Variants in RASAL2 observed in about 807,000 individuals in gnomAD.
RASAL2 encodes RAS protein activator like 2.
Under a neutral mutation model 128.9 loss-of-function variants are expected in RASAL2, and 58 were observed. The ratio of observed to expected loss-of-function variants is 0.45; its 90% confidence interval spans 0.36 to 0.56. The LOEUF is 0.56. Among genes scored for constraint, RASAL2 ranks in the 20% least tolerant of loss-of-function variants. RASAL2 has a pLI of 0.00. For synonymous variants in RASAL2, 561 were observed against 580.8 expected (o/e 0.97, Z 0.49); for missense variants, 1,360 against 1,601.6 (o/e 0.85, Z 2.57).
At chr1:178,369,706 G>T (rs978264973) in intron 3 of RASAL2, among the ~76,000 whole-genome samples, 7 of 152,012 alleles carry the variant, frequency 4.6e-5, no homozygotes, top group African/African-American at 1.7e-4. Flanking sequence ...CTTAAATCAG[G>T]ATATCTTTAG....
chr1:178,359,174 G>A (rs994798923), intron 3 of RASAL2, among the ~76,000 whole-genome samples: 6 of 151,964 alleles, frequency 3.9e-5, no homozygotes, highest in South Asian at 2.1e-4. Context: ...ATGTCAACAC[G>A]TTTTTTGTTT....
chr1:178,197,843 T>C (rs902650616), intron 1 of RASAL2, among the ~76,000 whole-genome samples: 4 of 152,042 alleles, frequency 2.6e-5, no homozygotes, highest in African/African-American at 9.7e-5. Flanking sequence ...ATGCTATCCT[T>C]CCCCCATTCC....
chr1:178,299,256 T>G (rs893612201), intron 2 of RASAL2, among the ~76,000 whole-genome samples: 4 of 152,232 alleles, frequency 2.6e-5, no homozygotes, highest in Non-Finnish European at 5.9e-5. Context: ...TCTTACTACC[T>G]TTAATGAAAT....
intron 8 of RASAL2, among the ~76,000 whole-genome samples, chr1:178,444,668 T>C (rs543397383): frequency 5.2e-4 from 79 of 152,244 alleles, no homozygotes; most frequent in African/African-American, 1.9e-3. Context: ...CCCCTTATGC[T>C]ATCCTTCTGG....
intron 1 of RASAL2, among the ~76,000 whole-genome samples, chr1:178,148,903 T>C (rs1660818363): frequency 6.6e-6 from 1 of 152,236 alleles, no homozygotes; most frequent in Non-Finnish European, 1.5e-5. Flanking sequence ...TGTTTTGTTT[T>C]ACTTTAATTT....
At position 178,464,345 on chromosome 1, in the gene RASAL2, A is replaced by G. The variant is rs1647420832; in HGVS notation, c.3320A>G (p.Asn1107Ser). Residue 1107 changes from asparagine to serine, a missense_variant, in exon 15 of 18, where the codon AAT becomes AGT. Transcript: ENST00000367649. ...VERTAAWVLN[N>S]GQYEEDVEET... is the part of the protein sequence containing the mutation. ...AGGACAGCAGCCTGGGTTCTGAACA[A>G]TGGGCAGTATGAAGAGGATGTGGAA... The G allele has an allele frequency of 5.0e-6, 8 of 1,613,884 alleles. No individual in the cohort carries two copies. The highest frequency in any genetic ancestry group is 6.8e-6 in the Non-Finnish European group (8 of 1,179,822).
chr1:178,376,997 A>C (rs1392708253), intron 3 of RASAL2, among the ~76,000 whole-genome samples: 1 of 152,114 alleles, frequency 6.6e-6, no homozygotes, highest in African/African-American at 2.4e-5. Context: ...GCGTTTTCCA[A>C]ATTCTAGAAT....
At chr1:178,371,341 C>CAA (rs1331597654) in intron 3 of RASAL2, among the ~76,000 whole-genome samples, 1 of 137,738 alleles carries the variant, frequency 7.3e-6, no homozygotes, top group Non-Finnish European at 1.5e-5. Context: ...CACACACACA[C>CAA]ACACACACAC....
At chr1:178,155,732 C>T (rs1661064444) in intron 1 of RASAL2, among the ~76,000 whole-genome samples, 1 of 151,384 alleles carries the variant, frequency 6.6e-6, no homozygotes, top group South Asian at 2.1e-4. Context: ...CCATGAATGA[C>T]TTTACCACAG....
chr1:178,193,258 T>A (rs1229771042), intron 1 of RASAL2, among the ~76,000 whole-genome samples: 1 of 152,184 alleles, frequency 6.6e-6, no homozygotes, highest in Non-Finnish European at 1.5e-5. Flanking sequence ...AGCAGCATAA[T>A]GCTCTTTAAA....
At chr1:178,265,084 T>C (rs906658814) in intron 1 of RASAL2, among the ~76,000 whole-genome samples, 7 of 152,236 alleles carry the variant, frequency 4.6e-5, no homozygotes, top group Non-Finnish European at 1.0e-4. Flanking sequence ...GTATTTCTTA[T>C]TATATCAGAA....
chr1:178,284,883 C>T (rs1358889570), intron 2 of RASAL2, among the ~76,000 whole-genome samples: 3 of 152,004 alleles, frequency 2.0e-5, no homozygotes, highest in African/African-American at 7.2e-5. Context: ...CAGTAAGTCA[C>T]CTTCCAGAAA....
intron 3 of RASAL2, among the ~76,000 whole-genome samples, chr1:178,346,916 A>C (rs965636827): frequency 6.6e-6 from 1 of 152,194 alleles, no homozygotes; most frequent in Non-Finnish European, 1.5e-5. Flanking sequence ...AAAAGGTAGA[A>C]GTCTAGTGGA....
At chr1:178,244,902 G>T (rs1243455838) in intron 1 of RASAL2, among the ~76,000 whole-genome samples, 2 of 152,178 alleles carry the variant, frequency 1.3e-5, no homozygotes, top group African/African-American at 4.8e-5. Flanking sequence ...CAAAGGACAT[G>T]AACTCGTTCT....
At chr1:178,470,062 C>A (rs888331561) in intron 17 of RASAL2, among the ~76,000 whole-genome samples, 5 of 152,226 alleles carry the variant, frequency 3.3e-5, no homozygotes, top group African/African-American at 1.2e-4. Context: ...TAGCAAATGA[C>A]TTTAAACATC....
rs1178957571 is a variant in RASAL2, at chr1:178,337,761, T to C, written c.457+37643T>C. Among the ~76,000 whole-genome samples the C allele has an allele frequency of 1.3e-5, 2 of 152,170 alleles. 1 individual carries two copies. Among genetic ancestry groups the C allele is most frequent in the South Asian group, 4.2e-4 (2 of 4,814 alleles). ...ATTTTTTTTTTTTGAGACGGAGTTT[T>C]GCTCTTATTGCCCAGGCTGGAGTGC... On this transcript the variant is annotated intron_variant, in intron 3 of 17. Transcript: ENST00000367649.
chr1:178,416,340 T>G (rs1674756423), intron 4 of RASAL2, among the ~76,000 whole-genome samples: 1 of 152,052 alleles, frequency 6.6e-6, no homozygotes, highest in African/African-American at 2.4e-5. Context: ...ATGAGTACCT[T>G]ATAATAAAAT....
chr1:178,273,211 A>C (rs1419836818), intron 1 of RASAL2, among the ~76,000 whole-genome samples: 2 of 152,222 alleles, frequency 1.3e-5, no homozygotes, highest in African/African-American at 4.8e-5. Context: ...TGCCTAGGAA[A>C]TTAGAAAAAT....
At chr1:178,368,562 C>T (rs971340836) in intron 3 of RASAL2, among the ~76,000 whole-genome samples, 1 of 151,736 alleles carries the variant, frequency 6.6e-6, no homozygotes, top group East Asian at 1.9e-4. Context: ...ACACATAAGA[C>T]GACATGGTAA....
Sources: gnomAD v4.1 joint callset for allele counts (sites outside exome capture counted in the v4.1 genomes callset) on GRCh38, gnomAD v4.1.1 for gene constraint, MANE v1.5 for transcripts, NCBI Gene and HGNC (gene_info 2026-07-23, HGNC 2026-07-21) for gene names.